Variants in MOB3B observed in about 807,000 individuals in gnomAD.
MOB3B encodes the protein MOB kinase activator 3B, also known as MOB kinase activator-like 2B.
A neutral mutation model predicts 18.7 loss-of-function variants in MOB3B; 7 were observed. That is an observed-to-expected ratio of 0.37 (90% CI 0.21 to 0.70). The LOEUF (loss-of-function observed/expected upper bound fraction) is 0.70. Ranked by LOEUF, MOB3B falls within the 30% of genes least tolerant of loss-of-function variation. The probability of loss-of-function intolerance (pLI) is 0.52; values close to 1 mark genes in which losing one functional copy is unlikely to be tolerated. For missense variants in MOB3B, 253 were observed against 281.3 expected (o/e 0.90, Z 0.72); for synonymous variants, 111 against 99.9 (o/e 1.11, Z -0.66).
intron 2 of MOB3B, among the ~76,000 whole-genome samples, chr9:27,446,988 A>C (rs983985013): frequency 1.4e-5 from 2 of 139,998 alleles, no homozygotes; most frequent in Non-Finnish European, 3.1e-5. Context: ...TATTCACTAG[A>C]ATAGGAAATT....
intron 2 of MOB3B, among the ~76,000 whole-genome samples, chr9:27,437,606 C>A (rs1312096535): frequency 6.6e-6 from 1 of 152,198 alleles, no homozygotes; most frequent in African/African-American, 2.4e-5. Flanking sequence ...TGATAAATGT[C>A]TCCCTTCAAC....
chr9:27,479,186 A>G (rs1479546872), intron 1 of MOB3B, among the ~76,000 whole-genome samples: 2 of 152,352 alleles, frequency 1.3e-5, no homozygotes, highest in African/African-American at 4.8e-5. Flanking sequence ...GCAAGGCACC[A>G]GCAACTACTG....
In MOB3B at chr9:27,359,149, T is replaced by G. The variant is rs1821235390; in HGVS notation, c.506A>C (p.His169Pro). The change falls in exon 3 of 4, where the codon CAC becomes CCC. Residue 169 changes from histidine (H) to proline (P), a missense_variant. His to Pro is a moderately conservative substitution (Grantham distance 77, BLOSUM62 -2). Transcript: ENST00000262244. ...FRVFVHVYIH[H>P]FDRVIVMGAE... is the part of the protein sequence containing the mutation. ...ACCCATCACAATGACCCGGTCGAAG[T>G]GGTGGATATAGACGTGGACAAAGAC... 1 of 1,613,880 alleles carries G rather than the reference T, an allele frequency of 6.2e-7. No homozygotes were observed. Among genetic ancestry groups the G allele is most frequent in the Non-Finnish European group, 8.5e-7 (1 of 1,180,008 alleles).
rs867421796 is a variant in MOB3B, at chr9:27,523,856, A to G, written c.-199+5699T>C. ...AATCACAGTCATTTGGTCAATGTCT[A>G]TGATTAACTCAATGAGACAGGATGT... On this transcript the variant is annotated intron_variant, in intron 1 of 3. Coordinates refer to ENST00000262244, the MANE Select transcript of MOB3B (RefSeq NM_024761.5). Among the ~76,000 whole-genome samples, 13 of 152,198 alleles carry G rather than the reference A, an allele frequency of 8.5e-5. No individual in the cohort carries two copies. In the South Asian group the frequency reaches 2.7e-3, roughly 31 times the overall value.
At chr9:27,514,954 G>C (rs1445099849) in intron 1 of MOB3B, among the ~76,000 whole-genome samples, 9 of 152,138 alleles carry the variant, frequency 5.9e-5, no homozygotes, top group Admixed American at 3.9e-4. Context: ...CTCCTTGAAG[G>C]CCCACAGGAG....
intron 3 of MOB3B, among the ~76,000 whole-genome samples, chr9:27,340,292 G>T (rs544900606): frequency 2.1e-4 from 32 of 152,284 alleles, no homozygotes; most frequent in Admixed American, 1.4e-3. Context: ...CACCCACGGA[G>T]AATATTTATT....
intron 2 of MOB3B, among the ~76,000 whole-genome samples, chr9:27,443,256 G>A (rs959434426): frequency 3.3e-4 from 50 of 152,144 alleles, no homozygotes; most frequent in African/African-American, 1.2e-3. Flanking sequence ...GCATCTTGAA[G>A]CTTAAGGGTA....
chr9:27,428,505 T>A (rs1392778785), intron 2 of MOB3B, among the ~76,000 whole-genome samples: 1 of 152,136 alleles, frequency 6.6e-6, no homozygotes, highest in Non-Finnish European at 1.5e-5. Context: ...TAGAAAGAGA[T>A]GAGTTTGTTC....
At chr9:27,388,556 C>T (rs1424952963) in intron 2 of MOB3B, among the ~76,000 whole-genome samples, 1 of 151,880 alleles carries the variant, frequency 6.6e-6, no homozygotes, top group African/African-American at 2.4e-5. Flanking sequence ...TTTTGGTGCA[C>T]CTATCACTCA....
chr9:27,475,672 C>A (rs140536567), intron 1 of MOB3B, among the ~76,000 whole-genome samples: 42 of 152,336 alleles, frequency 2.8e-4, no homozygotes, highest in Admixed American at 1.3e-3. Context: ...ATATCGACAT[C>A]CATTCCTGTA....
At chr9:27,397,323 A>G (rs932890594) in intron 2 of MOB3B, 2 of 152,176 alleles carry the variant, frequency 1.3e-5, no homozygotes, top group African/African-American at 4.8e-5. Flanking sequence ...AAAAAAGATC[A>G]TCAAGATTGC....
intron 2 of MOB3B, among the ~76,000 whole-genome samples, chr9:27,443,154 G>T (rs1822620920): frequency 6.6e-6 from 1 of 152,160 alleles, no homozygotes; most frequent in African/African-American, 2.4e-5. Flanking sequence ...GGATCCTGAT[G>T]CTGCTGGTCT....
At chr9:27,420,227 C>T (rs1205601853) in intron 2 of MOB3B, among the ~76,000 whole-genome samples, 1 of 152,008 alleles carries the variant, frequency 6.6e-6, no homozygotes, top group East Asian at 1.9e-4. Context: ...CTAGTACAGG[C>T]ACTATGGAAA....
At chr9:27,507,721 G>A (rs950615839) in intron 1 of MOB3B, among the ~76,000 whole-genome samples, 1 of 152,188 alleles carries the variant, frequency 6.6e-6, no homozygotes, top group Non-Finnish European at 1.5e-5. Flanking sequence ...GAATCTCTAG[G>A]AGTCAGTTAT....
chr9:27,500,959 A>C lies in MOB3B; in HGVS notation c.-199+28596T>G, dbSNP rs151040943. Among the ~76,000 whole-genome samples, 735 of 152,354 alleles carry C rather than the reference A, an allele frequency of 4.8e-3. 5 individuals carry two copies. Among genetic ancestry groups the C allele is most frequent in the African/African-American group, 0.017 (702 of 41,580 alleles). On this transcript the variant is annotated intron_variant, in intron 1 of 3. Transcript: ENST00000262244. ...CAAAGGATATGAACAGACACTTCTCAAAAGAAGACATTTATGCGACCAACA... is the reference window on the plus strand; with the variant it reads ...CAAAGGATATGAACAGACACTTCTCCAAAGAAGACATTTATGCGACCAACA...
chr9:27,493,327 G>A (rs1819847883), intron 1 of MOB3B, among the ~76,000 whole-genome samples: 1 of 151,898 alleles, frequency 6.6e-6, no homozygotes, highest in South Asian at 2.1e-4. Context: ...TGTCTTTACT[G>A]CAATCTCTAA....
At chr9:27,420,005 G>C (rs1822215038) in intron 2 of MOB3B, among the ~76,000 whole-genome samples, 1 of 151,860 alleles carries the variant, frequency 6.6e-6, no homozygotes. Context: ...CACATGAATA[G>C]ACAATTCTCA....
In MOB3B at chr9:27,357,688, T is replaced by C. The variant is rs116007831; in HGVS notation, c.621+1346A>G. On this transcript the variant is annotated intron_variant, in intron 3 of 3. Coordinates refer to ENST00000262244, the MANE Select transcript of MOB3B (RefSeq NM_024761.5). ...TGTGGCGTGGCATGGCTCTTTCTCT[T>C]GGGATGAGTATAACAAATTCTCTTT... is the stretch of plus-strand genomic sequence containing the variant. Among the ~76,000 whole-genome samples the C allele has an allele frequency of 4.2e-3, 644 of 151,864 alleles. 4 individuals carry two copies. Among genetic ancestry groups the C allele is most frequent in the African/African-American group, 0.015 (610 of 41,438 alleles).
chr9:27,380,651 G>A (rs973267365), intron 2 of MOB3B, among the ~76,000 whole-genome samples: 1 of 152,094 alleles, frequency 6.6e-6, no homozygotes, highest in African/African-American at 2.4e-5. Flanking sequence ...AATGGTGGGA[G>A]GAGTGGAGGT....
Sources: allele counts gnomAD v4.1 joint callset (sites outside exome capture counted in the v4.1 genomes callset), GRCh38; gene constraint gnomAD v4.1.1; transcripts MANE v1.5; gene names NCBI Gene and HGNC (gene_info 2026-07-23, HGNC 2026-07-21).